The following PCCB variants were observed in gnomAD, a reference collection of about 807,000 sequenced individuals.
PCCB encodes propionyl-CoA carboxylase beta chain, mitochondrial.
In PCCB, 43 loss-of-function variants were observed where a neutral mutation model predicts 60.7. The ratio of observed to expected loss-of-function variants is 0.71; its 90% CI spans 0.55 to 0.91. The LOEUF (loss-of-function observed/expected upper bound fraction) is 0.91. Among genes scored for constraint, PCCB ranks in the 40% least tolerant of loss-of-function variants. The pLI is 0.00. For synonymous variants in PCCB, 276 were observed against 255.9 expected (o/e 1.08, Z -0.75); for missense variants, 766 against 702.8 (o/e 1.09, Z -1.02).
chr3:136,261,423 A>G (rs1576406747), intron 4 of PCCB, among the ~76,000 whole-genome samples: 1 of 152,150 alleles, frequency 6.6e-6, no homozygotes, highest in Non-Finnish European at 1.5e-5. Flanking sequence ...GAGGTAATGG[A>G]AGTGAAAGTA....
intron 7 of PCCB, among the ~76,000 whole-genome samples, chr3:136,297,198 G>A (rs763841804): frequency 2.0e-5 from 3 of 152,118 alleles, no homozygotes; most frequent in Admixed American, 6.5e-5. Context: ...AAAGGCTCTC[G>A]GTAGGAGAGT....
At chr3:136,269,885 CAAAAAAA>C (rs1159032335) in intron 5 of PCCB, among the ~76,000 whole-genome samples, 1 of 60,658 alleles carries the variant, frequency 1.6e-5, no homozygotes, top group Non-Finnish European at 3.4e-5. Context: ...GACTCTGTCT[CAAAAAAA>C]AAAAAAAAAA....
At chr3:136,285,115 A>G (rs975047262) in intron 6 of PCCB, among the ~76,000 whole-genome samples, 1 of 149,232 alleles carries the variant, frequency 6.7e-6, no homozygotes, top group African/African-American at 2.5e-5. Flanking sequence ...AAAAGGTAAG[A>G]TGACCACTTC....
At chr3:136,251,150 C>T (rs1941505159) in intron 1 of PCCB, 2 of 450,774 alleles carry the variant, frequency 4.4e-6, no homozygotes, top group Non-Finnish European at 4.5e-6. Flanking sequence ...GTGTCGGAAG[C>T]AGGTGGCCTT....
intron 5 of PCCB, among the ~76,000 whole-genome samples, chr3:136,282,535 A>G (rs1363421116): frequency 6.6e-6 from 1 of 152,216 alleles, no homozygotes; most frequent in Non-Finnish European, 1.5e-5. Context: ...CTTCAAATTA[A>G]TACTGACTTA....
rs1371598866 is a variant in PCCB at position 136,328,765 on chromosome 3, T to G, written c.1406T>G (p.Val469Gly). The G allele has an allele frequency of 6.2e-7, 1 of 1,613,554 alleles. No homozygotes were observed. Among genetic ancestry groups the G allele is most frequent in the East Asian group, 2.2e-5 (1 of 44,890 alleles). ...EIAVMGAKGA[V>G]EIIFKGHENV... ...GAACTCCTCTAATCACAGGGCGCTG[T>G]GGAGATCATCTTCAAAGGGCATGAG... Residue 469 changes from valine (V) to glycine (G), a missense_variant, in exon 14 of 15, where the codon GTG becomes GGG. Transcript: ENST00000251654.
At chr3:136,286,185 T>C (rs1354599013) in intron 6 of PCCB, among the ~76,000 whole-genome samples, 1 of 152,216 alleles carries the variant, frequency 6.6e-6, no homozygotes, top group African/African-American at 2.4e-5. Flanking sequence ...AAAAGGATAT[T>C]ATTCTAAGCA....
intron 5 of PCCB, among the ~76,000 whole-genome samples, chr3:136,280,412 T>A (rs1197023970): frequency 2.0e-5 from 3 of 152,214 alleles, no homozygotes; most frequent in East Asian, 3.9e-4. Context: ...AGTGGTGCGA[T>A]CTTGGCGCAC....
At position 136,327,837 on chromosome 3, in the gene PCCB, G is replaced by T. The variant is rs915598239; in HGVS notation, c.1398+105G>T. 3.3e-6 allele frequency: 3 copies of T among 901,262 alleles called. No individual in the cohort carries two copies. The East Asian group carries it at 7.4e-5, about 22-fold the overall frequency. 55.8% of individuals were successfully genotyped at this position (901,262 alleles called of 1,614,324 possible). ...GTTGGAGAGAGGCCAGGGCCCCTAGGTTGAGCCAGGACTGAGGTGAATGGG... is the reference window on the plus strand; with the variant it reads ...GTTGGAGAGAGGCCAGGGCCCCTAGTTTGAGCCAGGACTGAGGTGAATGGG... On this transcript the variant is annotated intron_variant, in intron 13 of 14. Transcript: ENST00000251654.
rs779250747 is a variant in PCCB at position 136,255,942 on chromosome 3, T to C, written c.270T>C (p.Cys90=). The change falls in exon 2 of 15, where the codon TGT becomes TGC. Residue 90 remains cysteine (C), a synonymous_variant. Coordinates refer to ENST00000251654, the MANE Select transcript of PCCB (RefSeq NM_000532.5). Reference sequence around the variant, plus strand: ...GCGACATGTTTGTGGAACACAGATGTGCAGATTTTGGAATGGCTGCTGATA... The same window carrying C: ...GCGACATGTTTGTGGAACACAGATGCGCAGATTTTGGAATGGCTGCTGATA... ...VESDMFVEHR[C]ADFGMAADKN... 6.2e-7 allele frequency: 1 copy of C among 1,614,194 alleles called. No individual in the cohort carries two copies. The highest frequency in any genetic ancestry group is 1.7e-5 in the Admixed American group (1 of 60,036).
rs1168077273 is a variant in PCCB, at chr3:136,250,546, G to T, written c.171G>T (p.Ala57=). ...GAGGGGGCCAACGCCGTATTGACGC[G>T]CAGCACAAGCGAGTGAGTCCTGAGG... is the stretch of plus-strand genomic sequence containing the variant. ...LLGGGQRRID[A]QHKRGKLTAR... is the part of the protein sequence containing the mutation. Residue 57 remains alanine, a synonymous_variant, in exon 1 of 15, where the codon GCG becomes GCT. Coordinates refer to ENST00000251654, the MANE Select transcript of PCCB (RefSeq NM_000532.5). The T allele has an allele frequency of 1.2e-6, 2 of 1,612,186 alleles. No homozygotes were observed. The highest frequency in any genetic ancestry group is 1.7e-5 in the Admixed American group (1 of 59,930).
At position 136,317,048 on chromosome 3, in the gene PCCB, A is replaced by C. The variant is rs1340091518; in HGVS notation, c.1074A>C (p.Gln358His). Residue 358 changes from glutamine to histidine, a missense_variant, in exon 10 of 15, where the codon CAA becomes CAC. Physicochemically the swap from Gln to His is conservative, Grantham distance 24. Transcript: ENST00000251654. ...GGACTGTTGGAATTGTTGGCAACCA[A>C]CCTAAGGTGGCCTCAGGTAGGATGG... ...NGRTVGIVGN[Q>H]PKVASGCLDI... 1 of 1,613,888 alleles carries C rather than the reference A, an allele frequency of 6.2e-7. No homozygotes were observed. Among genetic ancestry groups the C allele is most frequent in the South Asian group, 1.1e-5 (1 of 91,074 alleles).
intron 5 of PCCB, among the ~76,000 whole-genome samples, chr3:136,277,875 T>TGCTCCTCCCAGGCCAC (rs1219884275): frequency 1.3e-5 from 2 of 152,190 alleles, no homozygotes; most frequent in Non-Finnish European, 2.9e-5. Context: ...TTTCAGGCCA[T>TGCTCCTCCCAGGCCAC]GCTCCTCCCA....
At chr3:136,268,098 A>ATGTATG (rs1283713299) in intron 5 of PCCB, among the ~76,000 whole-genome samples, 1 of 115,538 alleles carries the variant, frequency 8.7e-6, no homozygotes, top group Non-Finnish European at 1.7e-5. Flanking sequence ...ATATATATAT[A>ATGTATG]TATATATATA....
At chr3:136,279,484 A>G (rs914030543) in intron 5 of PCCB, among the ~76,000 whole-genome samples, 1 of 152,050 alleles carries the variant, frequency 6.6e-6, no homozygotes, top group Non-Finnish European at 1.5e-5. Flanking sequence ...GGGGATTATA[A>G]TTAATATCTT....
intron 10 of PCCB, among the ~76,000 whole-genome samples, chr3:136,324,059 A>G (rs963625361): frequency 6.7e-6 from 1 of 149,258 alleles, no homozygotes; most frequent in Non-Finnish European, 1.5e-5. Context: ...TGACTTTTCC[A>G]GAGACTATAT....
intron 10 of PCCB, among the ~76,000 whole-genome samples, chr3:136,323,571 G>T (rs1405160437): frequency 6.6e-6 from 1 of 152,138 alleles, no homozygotes; most frequent in Non-Finnish European, 1.5e-5. Context: ...ATCACCTGAG[G>T]TCAAGAGTTC....
intron 6 of PCCB, among the ~76,000 whole-genome samples, chr3:136,290,671 G>GTTTTTTGTTTT (rs1933637850): frequency 3.3e-5 from 2 of 60,050 alleles, no homozygotes; most frequent in Non-Finnish European, 5.4e-5. Flanking sequence ...TCTCTGTGTA[G>GTTTTTTGTTTT]TTTTTTTTTT....
In PCCB at chr3:136,327,942, C is replaced by T. The variant is rs1051161285; in HGVS notation, c.1398+210C>T. 5.3e-5 allele frequency among the ~76,000 whole-genome samples: 8 copies of T among 152,132 alleles called. No homozygotes were observed. In the East Asian group the frequency reaches 5.8e-4, roughly 11 times the overall value. On this transcript the variant is annotated intron_variant, in intron 13 of 14. Transcript: ENST00000251654. ...GTCCTATACCCTTTCTTCAGGCCCA[C>T]GCTGGTGTCTTCATGCCAAGGTGGG...
Sources: allele counts gnomAD v4.1 joint callset (sites outside exome capture counted in the v4.1 genomes callset), GRCh38; gene constraint gnomAD v4.1.1; transcripts MANE v1.5; gene names NCBI Gene and HGNC (gene_info 2026-07-23, HGNC 2026-07-21).